The following CHCHD3 variants were observed in gnomAD, a reference collection of about 807,000 sequenced individuals.
CHCHD3 encodes coiled-coil-helix-coiled-coil-helix domain containing 3, also known as MICOS complex subunit MIC19.
A neutral mutation model predicts 38.2 loss-of-function variants in CHCHD3; 20 were observed. The ratio of observed to expected loss-of-function variants is 0.52; its 90% CI spans 0.37 to 0.76. The LOEUF (loss-of-function observed/expected upper bound fraction) is 0.76, where lower values mean the gene tolerates loss of function less well. CHCHD3 is among the 30% of genes least tolerant of loss of function. CHCHD3 has a pLI of 0.00. For missense variants in CHCHD3, 245 were observed against 279.2 expected, an observed-to-expected ratio of 0.88 and a Z score of 0.87; for synonymous variants, 82 against 100.0, an observed-to-expected ratio of 0.82 and a Z score of 1.07.
chr7:132,899,174 A>T (rs1809600655), intron 4 of CHCHD3, among the ~76,000 whole-genome samples: 1 of 152,180 alleles, frequency 6.6e-6, no homozygotes, highest in South Asian at 2.1e-4. Flanking sequence ...CCTCTCACTA[A>T]GACATAAAGT....
intron 3 of CHCHD3, among the ~76,000 whole-genome samples, chr7:133,018,213 CCAA>C (rs2117427772): frequency 6.6e-6 from 1 of 152,230 alleles, no homozygotes; most frequent in Middle Eastern, 3.4e-3. Context: ...GGAAATAATG[CCAA>C]CAAACCATCT....
chr7:132,964,003 T>A (rs1423501987), intron 4 of CHCHD3, among the ~76,000 whole-genome samples: 1 of 152,158 alleles, frequency 6.6e-6, no homozygotes, highest in Non-Finnish European at 1.5e-5. Flanking sequence ...GTCAATGGCA[T>A]AGTTTTTCAA....
At chr7:132,855,205 T>C (rs577184054) in intron 5 of CHCHD3, among the ~76,000 whole-genome samples, 4 of 152,192 alleles carry the variant, frequency 2.6e-5, no homozygotes, top group Non-Finnish European at 5.9e-5. Flanking sequence ...TACAAAGCAG[T>C]AGATGGTACC....
intron 2 of CHCHD3, among the ~76,000 whole-genome samples, chr7:133,062,575 T>C (rs1443430466): frequency 6.6e-6 from 1 of 152,138 alleles, no homozygotes; most frequent in Non-Finnish European, 1.5e-5. Context: ...TATCCCATAA[T>C]TCCATTTAAA....
At chr7:133,060,841 T>C (rs770616178) in intron 2 of CHCHD3, among the ~76,000 whole-genome samples, 3 of 151,496 alleles carry the variant, frequency 2.0e-5, no homozygotes, top group Non-Finnish European at 4.4e-5. Flanking sequence ...ACCTGGGAGG[T>C]GGAGGTTGCA....
At chr7:133,036,058 T>C (rs1379905473) in intron 2 of CHCHD3, 4 of 718,206 alleles carry the variant, frequency 5.6e-6, no homozygotes, top group Non-Finnish European at 7.3e-6. Context: ...ACACACATGA[T>C]GATTTCATAA....
chr7:133,070,066 G>A, intron 2 of CHCHD3, 76 bp downstream of exon 2: 8 of 1,012,338 alleles, frequency 7.9e-6, no homozygotes, highest in Non-Finnish European at 1.2e-5. Flanking sequence ...GAATGCTAGA[G>A]AACTTGACTA....
chr7:132,878,309 C>T (rs1808965450), intron 5 of CHCHD3, among the ~76,000 whole-genome samples: 1 of 152,094 alleles, frequency 6.6e-6, no homozygotes, highest in Non-Finnish European at 1.5e-5. Context: ...TTTCCCCAAG[C>T]TTCACACAGA....
chr7:132,861,598 G>C, intron 5 of CHCHD3, among the ~76,000 whole-genome samples: 1 of 152,258 alleles, frequency 6.6e-6, no homozygotes, highest in East Asian at 1.9e-4. Context: ...AAAGCAGGAG[G>C]TGACAAACTT....
intron 4 of CHCHD3, among the ~76,000 whole-genome samples, chr7:132,897,628 G>T (rs1203431718): frequency 6.6e-6 from 1 of 152,192 alleles, no homozygotes; most frequent in African/African-American, 2.4e-5. Context: ...TTCTTCTCAT[G>T]CTGGCTTGAA....
At chr7:133,013,206 AC>A (rs1369123298) in intron 3 of CHCHD3, among the ~76,000 whole-genome samples, 8 of 108,732 alleles carry the variant, frequency 7.4e-5, no homozygotes, top group South Asian at 3.0e-4. Flanking sequence ...AAAAAAAAAA[AC>A]ATTCAGACAG....
At chr7:132,949,916 G>A (rs752019557) in intron 4 of CHCHD3, among the ~76,000 whole-genome samples, 3 of 152,086 alleles carry the variant, frequency 2.0e-5, no homozygotes, top group Non-Finnish European at 4.4e-5. Context: ...AGAAGCTCTG[G>A]CCCTTCCAAT....
At chr7:132,905,726 A>G (rs535819112) in intron 4 of CHCHD3, among the ~76,000 whole-genome samples, 32 of 152,348 alleles carry the variant, frequency 2.1e-4, no homozygotes, top group African/African-American at 7.0e-4. Flanking sequence ...CCACATACAC[A>G]GAGACGTATT....
chr7:132,965,062 T>TGTGC (rs888061867), intron 4 of CHCHD3, among the ~76,000 whole-genome samples: 2 of 146,284 alleles, frequency 1.4e-5, no homozygotes, highest in African/African-American at 2.7e-5. Flanking sequence ...GGGTTTTATG[T>TGTGC]GTGTGTGTGT....
At chr7:132,878,915 T>C (rs763680971) in intron 5 of CHCHD3, among the ~76,000 whole-genome samples, 1 of 152,208 alleles carries the variant, frequency 6.6e-6, no homozygotes, top group African/African-American at 2.4e-5. Flanking sequence ...TAGTTTCTGA[T>C]AGTCATTAGG....
chr7:132,982,213 G>T (rs894064059), intron 3 of CHCHD3, among the ~76,000 whole-genome samples: 1 of 152,176 alleles, frequency 6.6e-6, no homozygotes, highest in Non-Finnish European at 1.5e-5. Context: ...AGCTCAAATC[G>T]TTTCAAATCC....
rs12668229 is a variant in CHCHD3, at chr7:132,994,696, C to G, written c.252-19410G>C. ...CAATCACAACAATTGTTATTATTAG[C>G]TAGTTAAACATAGGCCTTAGAAAAC... is the stretch of plus-strand genomic sequence containing the variant. On this transcript the variant is annotated intron_variant, in intron 3 of 7. Transcript: ENST00000262570. 1.2e-3 allele frequency among the ~76,000 whole-genome samples: 189 copies of G among 152,080 alleles called. 3 individuals carry two copies. In the East Asian group the frequency reaches 0.026, roughly 21 times the overall value.
At chr7:132,879,716 T>TAAAAAAAAAAAAAAAAAAAA (rs56259114) in intron 5 of CHCHD3, among the ~76,000 whole-genome samples, 3 of 38,426 alleles carry the variant, frequency 7.8e-5, no homozygotes, top group Non-Finnish European at 1.3e-4. Context: ...TTGTCAAAAG[T>TAAAAAAAAAAAAAAAAAAAA]AAAAAAAAAA....
At chr7:132,826,485 A>G (rs1807511767) in intron 6 of CHCHD3, among the ~76,000 whole-genome samples, 1 of 152,196 alleles carries the variant, frequency 6.6e-6, no homozygotes, top group Non-Finnish European at 1.5e-5. Flanking sequence ...TAATGAGCAC[A>G]TTTATCAGTT....
Sources: allele counts gnomAD v4.1 joint callset (sites outside exome capture counted in the v4.1 genomes callset), GRCh38; gene constraint gnomAD v4.1.1; transcripts MANE v1.5; gene names NCBI Gene and HGNC (gene_info 2026-07-23, HGNC 2026-07-21).